Variants in TGS1 observed in about 807,000 individuals in gnomAD.
TGS1 encodes the protein trimethylguanosine synthase.
Under a neutral mutation model 92.2 loss-of-function variants are expected in TGS1, and 69 were observed. The ratio of observed to expected loss-of-function variants is 0.75; its 90% CI spans 0.62 to 0.91. The LOEUF is 0.91. TGS1 is among the 40% of genes least tolerant of loss of function. TGS1 has a pLI of 0.00. For synonymous variants in TGS1, 345 were observed against 338.1 expected (o/e 1.02, Z -0.22); for missense variants, 1,062 against 1,001.2 (o/e 1.06, Z -0.82).
intron 9 of TGS1, among the ~76,000 whole-genome samples, chr8:55,803,720 G>A (rs1397001901): frequency 6.9e-6 from 1 of 145,118 alleles, no homozygotes; most frequent in African/African-American, 2.6e-5. Context: ...TTTAGACAGG[G>A]TCTCACTCTG....
rs115687329 is a variant in TGS1 at position 55,788,151 on chromosome 8, A to T, written c.1162+1091A>T. 4.5e-3 allele frequency among the ~76,000 whole-genome samples: 679 copies of T among 152,320 alleles called. 3 individuals carry two copies. Among genetic ancestry groups the T allele is most frequent in the African/African-American group, 0.016 (653 of 41,566 alleles). On this transcript the variant is annotated intron_variant, in intron 4 of 12. Transcript: ENST00000260129. ...CACCAGGAAAATGGGAGAGGAGGAA[A>T]TTTCTGTGACATCTGCATATCCTGA...
chr8:55,802,434 A>C, intron 8 of TGS1, 23 bp from the exon 9 acceptor site: 1 of 1,603,980 alleles, frequency 6.2e-7, no homozygotes, highest in South Asian at 1.1e-5. Flanking sequence ...GTGAGCATCT[A>C]TATTCTTTGT....
chr8:55,812,234 T>A (rs1243693197), intron 11 of TGS1, among the ~76,000 whole-genome samples: 1 of 151,982 alleles, frequency 6.6e-6, no homozygotes, highest in Non-Finnish European at 1.5e-5. Flanking sequence ...GCTATTAAAA[T>A]TTAGAGTGTA....
chr8:55,807,055 C>T (rs941034580), intron 10 of TGS1, among the ~76,000 whole-genome samples: 6 of 151,694 alleles, frequency 4.0e-5, no homozygotes, highest in African/African-American at 7.3e-5. Context: ...CAGCCTCCCA[C>T]GTAGCTGGGA....
intron 9 of TGS1, among the ~76,000 whole-genome samples, chr8:55,803,803 T>A (rs1812288209): frequency 6.6e-6 from 1 of 151,938 alleles, no homozygotes; most frequent in African/African-American, 2.4e-5. Context: ...GCAATCCTTA[T>A]GCCTCCGCCT....
At chr8:55,812,702 C>T (rs978317391) in intron 11 of TGS1, among the ~76,000 whole-genome samples, 2 of 151,730 alleles carry the variant, frequency 1.3e-5, no homozygotes, top group African/African-American at 4.8e-5. Context: ...ATAAGCAGAG[C>T]CAGACTCTGT....
intron 12 of TGS1, among the ~76,000 whole-genome samples, chr8:55,822,165 A>G (rs13254639): frequency 2.0e-5 from 3 of 151,068 alleles, no homozygotes; most frequent in African/African-American, 7.3e-5. Flanking sequence ...CGCCTCCTGA[A>G]TTCACGCCAT....
chr8:55,812,495 CAAAAA>C (rs59611291), intron 11 of TGS1, among the ~76,000 whole-genome samples: 33 of 98,330 alleles, frequency 3.4e-4, no homozygotes, highest in South Asian at 7.0e-4. Context: ...GACTCTGTCT[CAAAAA>C]AAAAAAAAAA....
Position 55,786,677 on chromosome 8 carries a change from G to A in TGS1, c.779G>A (p.Trp260Ter). 1 of 1,614,106 alleles carries A rather than the reference G, an allele frequency of 6.2e-7. No individual in the cohort carries two copies. The change falls in exon 4 of 13, where the codon TGG becomes TAG. Residue 260 changes from tryptophan to a stop codon, truncating the protein, a stop_gained. Coordinates refer to ENST00000260129, the MANE Select transcript of TGS1 (RefSeq NM_024831.8). LOFTEE classifies it high-confidence loss of function. ...TTTCAGTATTGGGAAGCTCAGGGTT[G>A]GACTTTTGATGCCTCGCAAAGCTGT... Reference protein sequence around the residue: ...EQFQYWEAQGWTFDASQSCDT... With the variant: ...EQFQYWEAQG
At chr8:55,815,060 A>T (rs950422262) in intron 12 of TGS1, among the ~76,000 whole-genome samples, 5 of 152,158 alleles carry the variant, frequency 3.3e-5, no homozygotes, top group African/African-American at 1.2e-4. Flanking sequence ...TGTGATCCTT[A>T]TATTAAATGT....
At chr8:55,806,609 A>G (rs1005539344) in intron 10 of TGS1, among the ~76,000 whole-genome samples, 13 of 152,120 alleles carry the variant, frequency 8.5e-5, no homozygotes, top group African/African-American at 2.9e-4. Context: ...AATTATACAG[A>G]TTTTTGACTT....
chr8:55,804,401 G>A lies in TGS1; in HGVS notation c.2000-492G>A, dbSNP rs147277966. ...AGTTGCAATGAGCCAAGATCATGCC[G>A]TTGCACTCCAGCCTGGGCAACAGAG... On this transcript the variant is annotated intron_variant, in intron 9 of 12. Transcript: ENST00000260129. 7.6e-4 allele frequency among the ~76,000 whole-genome samples: 115 copies of A among 152,260 alleles called. 3 individuals carry two copies. The East Asian group carries it at 0.013, about 17-fold the overall frequency.
rs2130276524 is a variant in TGS1, at chr8:55,825,837, T to C, written c.*1134T>C. ...CATTAATTCGCAATTTCAAAATCTG[T>C]CCAAATGTTCTTGGTTTTTAAACTT... On this transcript the variant is annotated 3_prime_UTR_variant, in exon 13 of 13. Transcript: ENST00000260129. Among the ~76,000 whole-genome samples, 1 of 152,248 alleles carries C rather than the reference T, an allele frequency of 6.6e-6. No homozygotes were observed. Among genetic ancestry groups the C allele is most frequent in the East Asian group, 1.9e-4 (1 of 5,192 alleles).
rs563073875 is a variant in TGS1 at position 55,788,114 on chromosome 8, G to A, written c.1162+1054G>A. Among the ~76,000 whole-genome samples, 133 of 152,320 alleles carry A rather than the reference G, an allele frequency of 8.7e-4. 1 individual carries two copies. The highest frequency in any genetic ancestry group is 3.4e-3 in the Middle Eastern group (1 of 294). ...GTGCTCTTGCTGGGGAGAGGCTTCT[G>A]CCAATTAACAGCACCAGGAAAATGG... On this transcript the variant is annotated intron_variant, in intron 4 of 12. Transcript: ENST00000260129.
chr8:55,823,661 C>T (rs1803713600), intron 12 of TGS1, among the ~76,000 whole-genome samples: 1 of 151,988 alleles, frequency 6.6e-6, no homozygotes, highest in African/African-American at 2.4e-5. Flanking sequence ...GTAGCAGGAA[C>T]TCAGTAAATA....
intron 10 of TGS1, among the ~76,000 whole-genome samples, chr8:55,810,166 A>G (rs62515257): frequency 0.15 from 22,856 of 152,238 alleles, 1,999 homozygotes; most frequent in African/African-American, 0.24. Flanking sequence ...TAGCCCTTTC[A>G]AATGAAGAAT....
intron 11 of TGS1, among the ~76,000 whole-genome samples, chr8:55,812,053 A>G (rs1585789381): frequency 6.6e-6 from 1 of 152,198 alleles, no homozygotes; most frequent in East Asian, 1.9e-4. Context: ...TTCAATTCAC[A>G]CTGATGCTGG....
chr8:55,795,845 C>T, intron 6 of TGS1, 133 bp from the exon 7 acceptor site: 1 of 732,274 alleles, frequency 1.4e-6, no homozygotes, highest in East Asian at 2.8e-5. Flanking sequence ...TTGATTTTAT[C>T]ATTTTCATAA....
chr8:55,795,983 GTGGAA>G lies in TGS1; in HGVS notation c.1375_1379del (p.Gly459ProfsTer18). On this transcript the variant is annotated frameshift_variant, in exon 7 of 13. Transcript: ENST00000260129. LOFTEE classifies it high-confidence loss of function. ...CTTCTTTTGATCTGTCACAGATATG[GTGGAA>G]TCCCAAATTTCAGTCATCGGCAGGT... 6.2e-7 allele frequency: 1 copy of G among 1,612,582 alleles called. No homozygotes were observed. Among genetic ancestry groups the G allele is most frequent in the South Asian group, 1.1e-5 (1 of 90,790 alleles).
Sources: gnomAD v4.1 joint callset for allele counts (sites outside exome capture counted in the v4.1 genomes callset) on GRCh38, gnomAD v4.1.1 for gene constraint, MANE v1.5 for transcripts, NCBI Gene and HGNC (gene_info 2026-07-23, HGNC 2026-07-21) for gene names.